The following EYA1 variants were observed in gnomAD, a reference collection of about 807,000 sequenced individuals.
EYA1 encodes the protein EYA transcriptional coactivator and phosphatase 1, also known as protein phosphatase EYA1.
A neutral mutation model predicts 82.0 loss-of-function variants in EYA1; 16 were observed. The ratio of observed to expected loss-of-function variants is 0.20; its 90% confidence interval spans 0.13 to 0.30. The LOEUF (loss-of-function observed/expected upper bound fraction) is 0.30, where lower values mean the gene tolerates loss of function less well. Among genes scored for constraint, EYA1 ranks in the 10% least tolerant of loss-of-function variants. The pLI is 1.00. For synonymous variants in EYA1, 261 were observed against 264.4 expected, an observed-to-expected ratio of 0.99 and a Z score of 0.12; for missense variants, 633 against 730.7, an observed-to-expected ratio of 0.87 and a Z score of 1.54.
chr8:71,437,773 T>C (rs2129167582), intron 2 of EYA1, among the ~76,000 whole-genome samples: 2 of 152,048 alleles, frequency 1.3e-5, no homozygotes, highest in Middle Eastern at 6.8e-3. Context: ...TGAATGACTG[T>C]TGACAAACAG....
rs373655172 is a variant in EYA1, at chr8:71,278,995, G to A, written c.827-7098C>T. ...GAAGTAGGTAATTGAACTCCTAGCC[G>A]AGAGGAAGCTCTCACCACATGTACA... On this transcript the variant is annotated intron_variant, in intron 9 of 17. Coordinates refer to ENST00000340726, the MANE Select transcript of EYA1 (RefSeq NM_000503.6). 3.9e-5 allele frequency among the ~76,000 whole-genome samples: 6 copies of A among 152,286 alleles called. No individual in the cohort carries two copies. In the East Asian group the frequency reaches 5.8e-4, roughly 15 times the overall value.
At chr8:71,335,425 G>C (rs921323597) in intron 3 of EYA1, among the ~76,000 whole-genome samples, 1 of 152,006 alleles carries the variant, frequency 6.6e-6, no homozygotes. Flanking sequence ...TAGATGCATC[G>C]GATAGTCACT....
intron 1 of EYA1, among the ~76,000 whole-genome samples, chr8:71,359,399 G>C (rs1214321440): frequency 1.3e-5 from 2 of 152,108 alleles, no homozygotes; most frequent in African/African-American, 4.8e-5. Context: ...ATTTCCAGAA[G>C]GCAAACTTGC....
chr8:71,282,655 T>TG (rs1274513560), intron 9 of EYA1, among the ~76,000 whole-genome samples: 1 of 152,220 alleles, frequency 6.6e-6, no homozygotes, highest in East Asian at 1.9e-4. Context: ...TCTCCTTCTC[T>TG]GGCTCTTCCT....
chr8:71,367,523 A>C (rs1816321130), intron 2 of EYA1, among the ~76,000 whole-genome samples: 1 of 149,476 alleles, frequency 6.7e-6, no homozygotes, highest in South Asian at 2.1e-4. Flanking sequence ...AGCAGTATTA[A>C]TTTTTTCTTC....
intron 1 of EYA1, among the ~76,000 whole-genome samples, chr8:71,537,251 A>T (rs572887191): frequency 1.2e-4 from 19 of 152,336 alleles, no homozygotes; most frequent in Non-Finnish European, 2.8e-4. Flanking sequence ...TGTAATTTTA[A>T]CAAGAAACAA....
chr8:71,355,479 T>C (rs1460760160), intron 2 of EYA1, among the ~76,000 whole-genome samples: 1 of 152,178 alleles, frequency 6.6e-6, no homozygotes. Flanking sequence ...GATGCATGTG[T>C]TTACTCTGGC....
At chr8:71,481,070 T>A (rs1230517358) in intron 2 of EYA1, among the ~76,000 whole-genome samples, 4 of 152,158 alleles carry the variant, frequency 2.6e-5, no homozygotes, top group African/African-American at 9.7e-5. Context: ...CATATTAGAA[T>A]ATTTCAAGGC....
rs181762511 is a variant in EYA1 at position 71,381,335 on chromosome 8, A to G, written c.34-24824T>C. ...ATACTTTCAGACAAATTTCGATGGGAACAAATGTGGAAGGAAAGAAGCTTC... is the reference window on the plus strand; with the variant it reads ...ATACTTTCAGACAAATTTCGATGGGGACAAATGTGGAAGGAAAGAAGCTTC... On this transcript the variant is annotated intron_variant, in intron 2 of 18. Coordinates refer to the EYA1 transcript ENST00000643681. 8.3e-3 allele frequency among the ~76,000 whole-genome samples: 1,265 copies of G among 152,320 alleles called. 25 individuals carry two copies. Among genetic ancestry groups the G allele is most frequent in the African/African-American group, 0.029 (1,218 of 41,582 alleles).
chr8:71,480,822 A>G (rs1810085190), intron 2 of EYA1, among the ~76,000 whole-genome samples: 1 of 152,194 alleles, frequency 6.6e-6, no homozygotes, highest in South Asian at 2.1e-4. Flanking sequence ...TCAATTATTT[A>G]TATCTATGCC....
intron 3 of EYA1, among the ~76,000 whole-genome samples, chr8:71,342,911 C>T (rs574945390): frequency 1.3e-5 from 2 of 152,146 alleles, no homozygotes; most frequent in Non-Finnish European, 2.9e-5. Flanking sequence ...GTGTCATAGT[C>T]ATCACAAAAT....
chr8:71,204,282 T>G (rs1433280795), intron 17 of EYA1: 1 of 152,226 alleles, frequency 6.6e-6, no homozygotes, highest in Non-Finnish European at 1.5e-5. Context: ...TCATCTGATA[T>G]TTAGCATTTA....
chr8:71,408,293 A>G (rs1160424007), intron 2 of EYA1, among the ~76,000 whole-genome samples: 4 of 152,092 alleles, frequency 2.6e-5, no homozygotes. Context: ...GGCCATCGAG[A>G]CTAGGAAGAA....
intron 2 of EYA1, among the ~76,000 whole-genome samples, chr8:71,481,368 G>T (rs941627675): frequency 2.0e-5 from 3 of 152,154 alleles, no homozygotes; most frequent in African/African-American, 7.2e-5. Flanking sequence ...GAGAGTCATT[G>T]AATGATCAGA....
At chr8:71,424,442 T>C (rs867070483) in intron 2 of EYA1, among the ~76,000 whole-genome samples, 17 of 152,264 alleles carry the variant, frequency 1.1e-4, no homozygotes, top group Middle Eastern at 3.4e-3. Context: ...CTTAAGAAAA[T>C]CTTGAGGTTT....
At chr8:71,320,099 A>G (rs1324595116) in intron 6 of EYA1, among the ~76,000 whole-genome samples, 1 of 152,104 alleles carries the variant, frequency 6.6e-6, no homozygotes, top group Non-Finnish European at 1.5e-5. Flanking sequence ...TCTTTTGCTC[A>G]TCTCACACTC....
At chr8:71,396,985 A>G (rs1829661246) in intron 2 of EYA1, among the ~76,000 whole-genome samples, 1 of 152,214 alleles carries the variant, frequency 6.6e-6, no homozygotes, top group African/African-American at 2.4e-5. Flanking sequence ...TATTGGATGC[A>G]TATATATTTA....
intron 9 of EYA1, among the ~76,000 whole-genome samples, chr8:71,275,186 T>C (rs1342795373): frequency 1.3e-5 from 2 of 152,130 alleles, no homozygotes; most frequent in African/African-American, 2.4e-5. Context: ...GGGATGGTGA[T>C]GCAGGTGCCG....
chr8:71,284,918 A>C (rs768237075), intron 9 of EYA1, among the ~76,000 whole-genome samples: 11 of 152,152 alleles, frequency 7.2e-5, no homozygotes, highest in Non-Finnish European at 1.6e-4. Context: ...ACTCTTCCTG[A>C]GGACTTTGTT....
Sources: allele counts gnomAD v4.1 joint callset (sites outside exome capture counted in the v4.1 genomes callset), GRCh38; gene constraint gnomAD v4.1.1; transcripts MANE v1.5; gene names NCBI Gene and HGNC (gene_info 2026-07-23, HGNC 2026-07-21).